HVCN1: variants seen among roughly 807,000 people sequenced by gnomAD.
HVCN1 encodes the protein voltage-gated hydrogen channel 1.
In HVCN1, 14 loss-of-function variants were observed where a neutral mutation model predicts 29.2. That is an observed-to-expected ratio of 0.48 (90% CI 0.32 to 0.75). The LOEUF (loss-of-function observed/expected upper bound fraction) is 0.75, where lower values mean the gene tolerates loss of function less well. Ranked by LOEUF, HVCN1 falls within the 30% of genes least tolerant of loss-of-function variation. The probability of loss-of-function intolerance (pLI) is 0.04; values close to 1 mark genes in which losing one functional copy is unlikely to be tolerated. For synonymous variants in HVCN1, 131 were observed against 133.2 expected (o/e 0.98, Z 0.11); for missense variants, 263 against 341.8 (o/e 0.77, Z 1.82).
chr12:110,669,038 C>T (rs924349203), intron 3 of HVCN1, among the ~76,000 whole-genome samples: 10 of 151,806 alleles, frequency 6.6e-5, no homozygotes, highest in African/African-American at 1.9e-4. Context: ...TTCTCGGTGC[C>T]GTTCACGTTC....
chr12:110,683,128 A>G, intron 3 of HVCN1, 97 bp downstream of exon 3: 1 of 1,508,316 alleles, frequency 6.6e-7, no homozygotes, highest in Non-Finnish European at 9.2e-7. Flanking sequence ...AAACACCTGA[A>G]CAGGGAGTTC....
chr12:110,683,909 TAAAA>T (rs766895530), intron 2 of HVCN1, among the ~76,000 whole-genome samples: 29 of 67,864 alleles, frequency 4.3e-4, no homozygotes, highest in South Asian at 4.1e-3. Context: ...AGACTCTATC[TAAAA>T]AAAAAAAAAA....
At chr12:110,688,874 A>G (rs1322203262) in intron 1 of HVCN1, among the ~76,000 whole-genome samples, 166 bp from the exon 2 acceptor site, 1 of 152,048 alleles carries the variant, frequency 6.6e-6, no homozygotes, top group African/African-American at 2.4e-5. Context: ...GTCCCTGCCG[A>G]GGGGAAGCAC....
chr12:110,648,813 G>A lies in HVCN1; in HGVS notation c.*597C>T. The A allele has an allele frequency of 3.0e-6, 1 of 327,924 alleles. No individual in the cohort carries two copies. Among genetic ancestry groups the A allele is most frequent in the Non-Finnish European group, 5.8e-6 (1 of 172,714 alleles). 20.3% of individuals were successfully genotyped at this position (327,924 alleles called of 1,614,324 possible). ...AAGAGAGAGTTTATTTTATACAGTA[G>A]TTGTTTTATTTTATACAGTAGTTGT... On this transcript the variant is annotated 3_prime_UTR_variant, in exon 8 of 8. Transcript: ENST00000242607.
At chr12:110,699,856 G>A (rs964038596) in intron 2 of HVCN1, among the ~76,000 whole-genome samples, 2 of 152,180 alleles carry the variant, frequency 1.3e-5, no homozygotes, top group African/African-American at 2.4e-5. Context: ...ACAAGCCAGC[G>A]CTATTTCTCA....
intron 3 of HVCN1, among the ~76,000 whole-genome samples, chr12:110,672,361 T>A (rs967896126): frequency 1.3e-5 from 2 of 152,144 alleles, no homozygotes; most frequent in Non-Finnish European, 2.9e-5. Context: ...CCAGTCCTGC[T>A]TCAAGAGCCC....
At chr12:110,683,124 C>G (rs1450163670) in intron 3 of HVCN1, 101 bp downstream of exon 3, 1 of 1,473,016 alleles carries the variant, frequency 6.8e-7, no homozygotes, top group Non-Finnish European at 9.5e-7. Flanking sequence ...GTGGAAACAC[C>G]TGAACAGGGA....
At chr12:110,667,532 C>T (rs541720887) in intron 3 of HVCN1, among the ~76,000 whole-genome samples, 1 of 152,310 alleles carries the variant, frequency 6.6e-6, no homozygotes, top group East Asian at 1.9e-4. Context: ...CGGGATCAAG[C>T]GATCCTCCCA....
At position 110,678,439 on chromosome 12, in the gene HVCN1, C is replaced by CTTTTTTTT. The variant is rs538999674; in HGVS notation, c.21+4778_21+4785dup. ...TCTTATTTTCCATTTCATTCTATTT[C>CTTTTTTTT]TTTTTTTTTTTTTTTTTTTTTTTTT... On this transcript the variant is annotated intron_variant, in intron 3 of 7. Coordinates refer to ENST00000242607, the MANE Select transcript of HVCN1 (RefSeq NM_032369.4). 5.9e-4 allele frequency among the ~76,000 whole-genome samples: 39 copies of CTTTTTTTT among 65,830 alleles called. 2 individuals are homozygous for CTTTTTTTT. The highest frequency in any genetic ancestry group is 0.011 in the Middle Eastern group (1 of 92). The allele number at this position is 65,830 out of a possible 152,430, so 43.2% of individuals were successfully genotyped here. A position where few individuals can be genotyped will look rare whatever the true frequency, so the allele number is the denominator to read the frequency against.
chr12:110,659,211 T>C (rs984797382), intron 4 of HVCN1, among the ~76,000 whole-genome samples: 104 of 152,218 alleles, frequency 6.8e-4, no homozygotes, highest in African/African-American at 2.5e-3. Context: ...AATTTTTTTT[T>C]TCTCTTTTAC....
chr12:110,687,661 G>C (rs1004896714), intron 2 of HVCN1, among the ~76,000 whole-genome samples: 2 of 152,156 alleles, frequency 1.3e-5, no homozygotes, highest in Admixed American at 1.3e-4. Flanking sequence ...TGGAAGTAGG[G>C]GGTGGAGGGG....
chr12:110,691,143 A>C (rs12300922), upstream of HVCN1, among the ~76,000 whole-genome samples: 3,742 of 151,432 alleles, frequency 0.025, 132 homozygotes, highest in African/African-American at 0.08. Flanking sequence ...GCTCACTGCA[A>C]GCTCCGCCTC....
chr12:110,660,941 G>C (rs2068146891), intron 4 of HVCN1, among the ~76,000 whole-genome samples: 2 of 152,320 alleles, frequency 1.3e-5, no homozygotes, highest in South Asian at 4.1e-4. Flanking sequence ...TCCATTGGTG[G>C]ACCTTTTGCT....
intron 3 of HVCN1, among the ~76,000 whole-genome samples, chr12:110,677,564 G>C (rs887644874): frequency 6.6e-6 from 1 of 152,134 alleles, no homozygotes; most frequent in African/African-American, 2.4e-5. Context: ...GATGGTGGAA[G>C]GTGGAATGAA....
Position 110,649,354 on chromosome 12 carries a change from G to T in HVCN1, c.*56C>A. 6 of 1,439,484 alleles carry T rather than the reference G, an allele frequency of 4.2e-6. No homozygotes were observed. The highest frequency in any genetic ancestry group is 3.5e-5 in the South Asian group (3 of 84,866). The allele number at this position is 1,439,484 out of a possible 1,614,324, so 89.2% of individuals were successfully genotyped here. On this transcript the variant is annotated 3_prime_UTR_variant, in exon 8 of 8. Transcript: ENST00000242607. ...CCCAGGAGGGGCAGCTGTTCCTCTC[G>T]TGACAGCACAGGCCCATGAGACAGT...
chr12:110,701,820 G>T (rs1426301555), intron 2 of HVCN1, among the ~76,000 whole-genome samples: 1 of 151,386 alleles, frequency 6.6e-6, no homozygotes, highest in South Asian at 2.1e-4. Context: ...TCGTGCCATT[G>T]CACTCCAGCC....
chr12:110,695,796 G>A (rs1398464184), intron 2 of HVCN1, among the ~76,000 whole-genome samples: 1 of 152,146 alleles, frequency 6.6e-6, no homozygotes, highest in African/African-American at 2.4e-5. Flanking sequence ...GGCCTTATGA[G>A]GCCAAAAGGA....
At chr12:110,703,207 C>CAA (rs758737358) in intron 1 of HVCN1, among the ~76,000 whole-genome samples, 268 of 98,544 alleles carry the variant, frequency 2.7e-3, no homozygotes, top group Non-Finnish European at 3.7e-3. Flanking sequence ...ATGTCTCTAC[C>CAA]AAAAAAAAAA....
chr12:110,669,527 C>T (rs1025271223), intron 3 of HVCN1, among the ~76,000 whole-genome samples: 2 of 152,144 alleles, frequency 1.3e-5, no homozygotes, highest in Non-Finnish European at 2.9e-5. Flanking sequence ...AGTTCTAGAG[C>T]GGACCACGCT....
Sources: gnomAD v4.1 joint callset for allele counts (sites outside exome capture counted in the v4.1 genomes callset) on GRCh38, gnomAD v4.1.1 for gene constraint, MANE v1.5 for transcripts, NCBI Gene and HGNC (gene_info 2026-07-23, HGNC 2026-07-21) for gene names.